Variants in FLG2 observed in about 807,000 individuals in gnomAD.
The protein encoded by FLG2 is filaggrin-2.
In FLG2, 7 loss-of-function variants were observed where a neutral mutation model predicts 3.9. The ratio of observed to expected loss-of-function variants is 1.79; its 90% CI spans 1.02 to 3.36. The LOEUF (loss-of-function observed/expected upper bound fraction) is 3.36, where lower values mean the gene tolerates loss of function less well. Among genes scored for constraint, FLG2 ranks in the 30% most tolerant of loss-of-function variants. The pLI is 0.00. For missense variants in FLG2, 2,700 were observed against 2,809.4 expected (o/e 0.96, Z 0.88); for synonymous variants, 1,031 against 1,056.1 (o/e 0.98, Z 0.46).
rs768558664 is a variant in FLG2 at position 152,350,252 on chromosome 1, G to C, written c.*358C>G. 8 of 233,312 alleles carry C rather than the reference G, an allele frequency of 3.4e-5. No homozygotes were observed. The highest frequency in any genetic ancestry group is 6.8e-5 in the African/African-American group (3 of 44,248). The allele number at this position is 233,312 out of a possible 1,614,324, so 14.5% of individuals were successfully genotyped here. A position where few individuals can be genotyped will look rare whatever the true frequency, so the allele number is the denominator to read the frequency against. ...GTGTCTTTCTCCCAATCTTCTGAAT[G>C]CTTTTTGTTATCAGTATGGGATTCC... On this transcript the variant is annotated 3_prime_UTR_variant, in exon 3 of 3. Coordinates refer to ENST00000388718, the MANE Select transcript of FLG2 (RefSeq NM_001014342.3).
In FLG2 at chr1:152,351,726, G is replaced by A; in HGVS notation, c.6060C>T (p.Ser2020=). The part of the protein sequence containing the change: ...SGHGQSTQRG[S]RTTGRRASGH... Reference sequence around the variant, plus strand: ...CAGATGCCCTTCTTCCAGTTGTCCTGGACCCTCTCTGTGTGGACTGTCCAT... The same window carrying A: ...CAGATGCCCTTCTTCCAGTTGTCCTAGACCCTCTCTGTGTGGACTGTCCAT... The change falls in exon 3 of 3, where the codon TCC becomes TCT. Residue 2020 remains serine, a synonymous_variant. Transcript: ENST00000388718. 6.3e-7 allele frequency: 1 copy of A among 1,596,760 alleles called. No individual in the cohort carries two copies. The highest frequency in any genetic ancestry group is 8.5e-7 in the Non-Finnish European group (1 of 1,174,670).
At position 152,353,163 on chromosome 1, in the gene FLG2, T is replaced by C; in HGVS notation, c.4623A>G (p.Arg1541=). ...ESESIIHDRH[R]ITHGQTGDTT... ...TATCTCCTGTCTGTCCATGAGTAAT[T>C]CTGTGTCTGTCATGAATTATGGATT... The change falls in exon 3 of 3, where the codon AGA becomes AGG. Residue 1541 remains arginine (R), a synonymous_variant. Coordinates refer to ENST00000388718, the MANE Select transcript of FLG2 (RefSeq NM_001014342.3). The C allele has an allele frequency of 6.2e-7, 1 of 1,613,870 alleles. No individual in the cohort carries two copies. The highest frequency in any genetic ancestry group is 8.5e-7 in the Non-Finnish European group (1 of 1,179,986).
Position 152,352,453 on chromosome 1 carries a change from G to C in FLG2, c.5333C>G (p.Thr1778Ser), listed in dbSNP as rs542065575. The change falls in exon 3 of 3, where the codon ACC (threonine) becomes AGC (serine). Residue 1778 changes from threonine to serine, a missense_variant. Transcript: ENST00000388718. ...GTIHGQTGDT[T>S]RHAHSGHGQS... The stretch of plus-strand genomic sequence containing the variant: ...TCCATGACCAGAGTGGGCATGTCTG[G>C]TGGTATCGCCTGTCTGTCCATGTAT... 4.2e-5 allele frequency: 68 copies of C among 1,611,414 alleles called. 1 individual carries two copies. The South Asian group carries it at 7.0e-4, about 17-fold the overall frequency.
At position 152,357,071 on chromosome 1, in the gene FLG2, C is replaced by A. The variant is rs764664295; in HGVS notation, c.715G>T (p.Gly239Cys). The change falls in exon 3 of 3, where the codon GGT becomes TGT. Residue 239 changes from glycine to cysteine, a missense_variant. Coordinates refer to ENST00000388718, the MANE Select transcript of FLG2 (RefSeq NM_001014342.3). ...SNSWERKGHGGLSCGLETSGH... is the reference protein window; with the variant it reads ...SNSWERKGHGCLSCGLETSGH... ...CTAGTCTCCAATCCACATGACAGAC[C>A]ACCATGACCTTTCCTTTCCCAACTG... The A allele has an allele frequency of 1.2e-6, 2 of 1,614,182 alleles. No individual in the cohort carries two copies. Among genetic ancestry groups the A allele is most frequent in the African/African-American group, 1.3e-5 (1 of 75,036 alleles).
rs767808218 is a variant in FLG2 at position 152,351,004 on chromosome 1, C to T, written c.6782G>A (p.Ser2261Asn). The T allele has an allele frequency of 1.7e-5, 28 of 1,613,540 alleles. No homozygotes were observed. The highest frequency in any genetic ancestry group is 1.0e-4 in the Admixed American group (6 of 59,940). Residue 2261 changes from serine to asparagine, a missense_variant, in exon 3 of 3, where the codon AGT becomes AAT. Coordinates refer to ENST00000388718, the MANE Select transcript of FLG2 (RefSeq NM_001014342.3). ...GTGTGAGCCCCATGAGTGCACTTCA[C>T]TGTCACTGGACTCACTGTGGCCAGA... is the stretch of plus-strand genomic sequence containing the variant. ...RGSGHSESSD[S>N]EVHSWGSHTH...
rs1433234451 is a variant in FLG2 at position 152,353,083 on chromosome 1, G to A, written c.4703C>T (p.Thr1568Ile). ...HEQTTQTGSR[T>I]TGRQRTSHSE... ...GTGGCTAGTTCTCTGTCTTCCAGTT[G>A]TCCTGGACCCTGTCTGTGTGGTTTG... is the stretch of plus-strand genomic sequence containing the variant. Residue 1568 changes from threonine (T) to isoleucine (I), a missense_variant, in exon 3 of 3, where the codon ACA (threonine) becomes ATA (isoleucine). By Grantham distance (89) the Thr-to-Ile change is moderately conservative. Coordinates refer to ENST00000388718, the MANE Select transcript of FLG2 (RefSeq NM_001014342.3). The A allele has an allele frequency of 1.2e-6, 2 of 1,613,378 alleles. No individual in the cohort carries two copies. Among genetic ancestry groups the A allele is most frequent in the Non-Finnish European group, 1.7e-6 (2 of 1,179,898 alleles).
rs1481960420 is a variant in FLG2, at chr1:152,358,776, G to C, written c.109C>G (p.Leu37Val). 6.8e-6 allele frequency: 11 copies of C among 1,613,608 alleles called. No homozygotes were observed. The East Asian group carries it at 8.9e-5, about 13-fold the overall frequency. ...AGAACTGGATGAAGCTCTTTCTCCAGAAGTTCCTTTAGTTCACCCTTGCTC... is the reference window on the plus strand; with the variant it reads ...AGAACTGGATGAAGCTCTTTCTCCACAAGTTCCTTTAGTTCACCCTTGCTC... Reference protein sequence around the residue: ...TLSKGELKELLEKELHPVLKN... With the variant: ...TLSKGELKELVEKELHPVLKN... Residue 37 changes from leucine to valine, a missense_variant, in exon 2 of 3, where the codon CTG becomes GTG. By Grantham distance (32) the Leu-to-Val change is conservative. Transcript: ENST00000388718.
Position 152,354,029 on chromosome 1 carries a change from C to T in FLG2, c.3757G>A (p.Gly1253Ser). 6.2e-7 allele frequency: 1 copy of T among 1,614,096 alleles called. No individual in the cohort carries two copies. The highest frequency in any genetic ancestry group is 8.5e-7 in the Non-Finnish European group (1 of 1,179,942). ...TINTTRHSQS[G>S]QGQSTQTGSR... ...CCTGTCTGTGTGGATTGTCCTTGAC[C>T]AGACTGGCTATGTCTAGTGGTATTT... Residue 1253 changes from glycine (G) to serine (S), a missense_variant, in exon 3 of 3, where the codon GGT becomes AGT. Transcript: ENST00000388718.
chr1:152,353,384 T>C lies in FLG2; in HGVS notation c.4402A>G (p.Thr1468Ala). 6.2e-7 allele frequency: 1 copy of C among 1,613,408 alleles called. No homozygotes were observed. The highest frequency in any genetic ancestry group is 1.7e-4 in the Middle Eastern group (1 of 6,056). The change falls in exon 3 of 3, where the codon ACT becomes GCT. Residue 1468 changes from threonine to alanine, a missense_variant. Thr to Ala is a moderately conservative substitution (Grantham distance 58). Transcript: ENST00000388718. ...GSTVHGRHGT[T>A]HGQTGDTTRH... ...GTGGTATCTCCTGTCTGTCCATGAG[T>C]AGTTCCGTGTCTCCCATGAACTGTG...
At position 152,350,465 on chromosome 1, in the gene FLG2, G is replaced by T; in HGVS notation, c.*145C>A. 9.2e-7 allele frequency: 1 copy of T among 1,082,568 alleles called. No homozygotes were observed. Among genetic ancestry groups the T allele is most frequent in the Non-Finnish European group, 1.3e-6 (1 of 774,258 alleles). The allele number at this position is 1,082,568 out of a possible 1,614,324, so 67.1% of individuals were successfully genotyped here. ...ATAGAATGTCCATGACTAGATTCCT[G>T]ACTTCTTATAATAATAGGTCGAGAC... is the stretch of plus-strand genomic sequence containing the variant. On this transcript the variant is annotated 3_prime_UTR_variant, in exon 3 of 3. Transcript: ENST00000388718.
At position 152,351,915 on chromosome 1, in the gene FLG2, C is replaced by T; in HGVS notation, c.5871G>A (p.Glu1957=). 1.2e-6 allele frequency: 2 copies of T among 1,613,900 alleles called. No homozygotes were observed. The highest frequency in any genetic ancestry group is 1.7e-6 in the Non-Finnish European group (2 of 1,179,954). ...CTGAGGGCCCTTCACTGTCACTGTACTCACTGTGGCCAGATCCCCTTCTTC... is the reference window on the plus strand; with the variant it reads ...CTGAGGGCCCTTCACTGTCACTGTATTCACTGTGGCCAGATCCCCTTCTTC... ...TTGRRGSGHS[E]YSDSEGPSGV... The change falls in exon 3 of 3, where the codon GAG becomes GAA. Residue 1957 remains glutamate (E), a synonymous_variant. Transcript: ENST00000388718.
In FLG2 at chr1:152,352,883, G is replaced by C. The variant is rs1654011097; in HGVS notation, c.4903C>G (p.His1635Asp). The change falls in exon 3 of 3, where the codon CAT (histidine) becomes GAT (aspartate). Residue 1635 changes from histidine to aspartate, a missense_variant. Physicochemically the swap from His to Asp is moderately conservative, Grantham distance 81 (BLOSUM62 -1). Transcript: ENST00000388718. Reference sequence around the variant, plus strand: ...GACCCTCTCTGTGTGGACTGTCCATGACCAGAGTGGGAATGTCCAGTGGTA... The same window carrying C: ...GACCCTCTCTGTGTGGACTGTCCATCACCAGAGTGGGAATGTCCAGTGGTA... ...GDTTGHSHSGHGQSTQRGSRT... is the reference protein window; with the variant it reads ...GDTTGHSHSGDGQSTQRGSRT... The C allele has an allele frequency of 6.2e-7, 1 of 1,613,676 alleles. No homozygotes were observed. Among genetic ancestry groups the C allele is most frequent in the African/African-American group, 1.3e-5 (1 of 74,772 alleles).
rs1314359774 is a variant in FLG2, at chr1:152,351,198, ATGTG to A, written c.6584_6587del (p.Thr2195IlefsTer206). 2 of 1,613,076 alleles carry A rather than the reference ATGTG, an allele frequency of 1.2e-6. No individual in the cohort carries two copies. Among genetic ancestry groups the A allele is most frequent in the Non-Finnish European group, 1.7e-6 (2 of 1,179,796 alleles). On this transcript the variant is annotated frameshift_variant, in exon 3 of 3. Transcript: ENST00000388718. LOFTEE classifies it low-confidence loss of function (END_TRUNC). The stretch of plus-strand genomic sequence containing the variant: ...CGGCTTGGCTGTGAGTGTGTCCTGA[ATGTG>A]TGGGTGAGGCCTCTGAGTGCACTTC...
In FLG2 at chr1:152,350,750, G is replaced by T; in HGVS notation, c.7036C>A (p.His2346Asn). The T allele has an allele frequency of 6.2e-7, 1 of 1,614,212 alleles. No individual in the cohort carries two copies. Among genetic ancestry groups the T allele is most frequent in the African/African-American group, 1.3e-5 (1 of 75,048 alleles). Residue 2346 changes from histidine (H) to asparagine (N), a missense_variant, in exon 3 of 3, where the codon CAT becomes AAT. Transcript: ENST00000388718. Reference sequence around the variant, plus strand: ...TATTCTGCAGGTCCATAGCTGCCATGTTTCCAAACCTGACTTGATCCATGC... The same window carrying T: ...TATTCTGCAGGTCCATAGCTGCCATTTTTCCAAACCTGACTTGATCCATGC... The part of the protein sequence containing the change: ...QRHGSSQVWK[H>N]GSYGPAEYDY...
rs1323144370 is a variant in FLG2 at position 152,356,611 on chromosome 1, C to T, written c.1175G>A (p.Ser392Asn). 2.5e-6 allele frequency: 4 copies of T among 1,614,094 alleles called. No homozygotes were observed. The highest frequency in any genetic ancestry group is 2.2e-5 in the South Asian group (2 of 91,090). Residue 392 changes from serine (S) to asparagine (N), a missense_variant, in exon 3 of 3, where the codon AGT (serine) becomes AAT (asparagine). Transcript: ENST00000388718. ...GGAACCATATTCATGTTGACCATTA[C>T]TACAAGACTGGCTACCTCCAGACCC... ...QYGSGGSQSC[S>N]NGQHEYGSCG...
In FLG2 at chr1:152,355,500, C is replaced by T. The variant is rs1353583560; in HGVS notation, c.2286G>A (p.Glu762=). 6.2e-7 allele frequency: 1 copy of T among 1,613,044 alleles called. No individual in the cohort carries two copies. Residue 762 remains glutamate (E), a synonymous_variant, in exon 3 of 3, where the codon GAG becomes GAA. Coordinates refer to ENST00000388718, the MANE Select transcript of FLG2 (RefSeq NM_001014342.3). ...CATAGCTAGACTGACCTGATCTAGA[C>T]TCATGTTGTCCAAAGCCAGAGGATT... ...SGQSSGFGQH[E]SRSGQSSYGQ...
Position 152,350,763 on chromosome 1 carries a change from A to G in FLG2, c.7023T>C (p.Ser2341=), listed in dbSNP as rs1253617938. ...CATAGCTGCCATGTTTCCAAACCTGACTTGATCCATGCCTTTGCCTTTCAC... is the reference window on the plus strand; with the variant it reads ...CATAGCTGCCATGTTTCCAAACCTGGCTTGATCCATGCCTTTGCCTTTCAC... ...HSSERQRHGS[S]QVWKHGSYGP... is the part of the protein sequence containing the mutation. Residue 2341 remains serine, a synonymous_variant, in exon 3 of 3, where the codon AGT becomes AGC. Coordinates refer to ENST00000388718, the MANE Select transcript of FLG2 (RefSeq NM_001014342.3). The G allele has an allele frequency of 1.9e-6, 3 of 1,614,178 alleles. No individual in the cohort carries two copies. The highest frequency in any genetic ancestry group is 2.5e-6 in the Non-Finnish European group (3 of 1,180,042).
chr1:152,350,879 C>T lies in FLG2; in HGVS notation c.6907G>A (p.Asp2303Asn). The change falls in exon 3 of 3, where the codon GAT becomes AAT. Residue 2303 changes from aspartate (D) to asparagine (N), a missense_variant. Coordinates refer to ENST00000388718, the MANE Select transcript of FLG2 (RefSeq NM_001014342.3). ...RLETTHGQTG[D>N]TTRHGHSGYG... ...CCAGAATGGCCATGTCTAGTGGTAT[C>T]TCCTGTCTGTCCATGAGTAGTTTCC... is the stretch of plus-strand genomic sequence containing the variant. 6.2e-7 allele frequency: 1 copy of T among 1,614,116 alleles called. No homozygotes were observed. Among genetic ancestry groups the T allele is most frequent in the East Asian group, 2.2e-5 (1 of 44,866 alleles).
Position 152,354,971 on chromosome 1 carries a change from C to T in FLG2, c.2815G>A (p.Gly939Arg), listed in dbSNP as rs767429629. 5.0e-6 allele frequency: 8 copies of T among 1,590,282 alleles called. No individual in the cohort carries two copies. Among genetic ancestry groups the T allele is most frequent in the South Asian group, 1.1e-5 (1 of 88,094 alleles). ...CCAAAAGTCTGTCCTGAACTTGACC[C>T]ATGTTGACCATAGCCAGATGACTGA... ...SSQSSGYGQH[G>R]SSSGQTFGFG... is the part of the protein sequence containing the mutation. Residue 939 changes from glycine (G) to arginine (R), a missense_variant, in exon 3 of 3, where the codon GGG (glycine) becomes AGG (arginine). Coordinates refer to ENST00000388718, the MANE Select transcript of FLG2 (RefSeq NM_001014342.3).
Sources: allele counts gnomAD v4.1 joint callset, GRCh38; gene constraint gnomAD v4.1.1; transcripts MANE v1.5; gene names NCBI Gene and HGNC (gene_info 2026-07-23, HGNC 2026-07-21).